Variants in MMAB observed in about 807,000 individuals in gnomAD.
MMAB encodes the protein corrinoid adenosyltransferase MMAB.
In MMAB, 17 loss-of-function variants were observed where a neutral mutation model predicts 30.6. The observed-to-expected ratio is 0.56, with a 90% confidence interval of 0.38 to 0.83. The LOEUF (loss-of-function observed/expected upper bound fraction) is 0.83. Among genes scored for constraint, MMAB ranks in the 40% least tolerant of loss-of-function variants. MMAB has a pLI of 0.00. For missense variants in MMAB, 311 were observed against 331.6 expected (o/e 0.94, Z 0.48); for synonymous variants, 134 against 138.6 (o/e 0.97, Z 0.23).
intron 4 of MMAB, among the ~76,000 whole-genome samples, chr12:109,562,677 A>C (rs1884256678): frequency 6.6e-6 from 1 of 152,256 alleles, no homozygotes; most frequent in Non-Finnish European, 1.5e-5. Context: ...AGTTGGGCCA[A>C]GAGGTCAAAT....
intron 8 of MMAB, 24 bp downstream of exon 8, chr12:109,559,072 A>G: frequency 6.2e-7 from 1 of 1,602,996 alleles, no homozygotes; most frequent in Middle Eastern, 1.7e-4. Context: ...TTCAGAGAGG[A>G]ACCCCCAGGT....
rs781441136 is a variant in MMAB, at chr12:109,555,219, G to A, written c.*1809C>T. 2.9e-5 allele frequency: 13 copies of A among 450,226 alleles called. No homozygotes were observed. Among genetic ancestry groups the A allele is most frequent in the Admixed American group, 1.4e-4 (6 of 42,144 alleles). The allele number at this position is 450,226 out of a possible 1,614,324, so 27.9% of individuals were successfully genotyped here. The stretch of plus-strand genomic sequence containing the variant: ...AGGTGTAGACAGAATTGAGTGATTC[G>A]CTGCAAGCTCTTTGAACATACTCCC... On this transcript the variant is annotated 3_prime_UTR_variant, in exon 9 of 9. Transcript: ENST00000545712.
Position 109,569,614 on chromosome 12 carries a change from C to T in MMAB, c.197-751G>A, listed in dbSNP as rs1331009733. Among the ~76,000 whole-genome samples the T allele has an allele frequency of 6.6e-6, 1 of 152,244 alleles. No individual in the cohort carries two copies. The highest frequency in any genetic ancestry group is 2.4e-5 in the African/African-American group (1 of 41,472). ...AGCTCACAGTCCCGCCTTTCTCCCCCAACCTCTGAGAAAGTGAAAACTGCC... is the reference window on the plus strand; with the variant it reads ...AGCTCACAGTCCCGCCTTTCTCCCCTAACCTCTGAGAAAGTGAAAACTGCC... On this transcript the variant is annotated intron_variant, in intron 2 of 8. Coordinates refer to ENST00000545712, the MANE Select transcript of MMAB (RefSeq NM_052845.4). This position sits in a 1 kb window ranked among gnomAD's most constrained non-coding sequence, Gnocchi z 4.1.
At position 109,556,247 on chromosome 12, in the gene MMAB, GACA is replaced by G. The variant is rs1883966207; in HGVS notation, c.*778_*780del. On this transcript the variant is annotated 3_prime_UTR_variant, in exon 9 of 9. Coordinates refer to ENST00000545712, the MANE Select transcript of MMAB (RefSeq NM_052845.4). ...GTGGATGTCAGCCTTGCTGGAAACT[GACA>G]ACCTCATTTTCTCAAGCTGAAGATG... 8.8e-6 allele frequency: 4 copies of G among 454,104 alleles called. No homozygotes were observed. The highest frequency in any genetic ancestry group is 1.8e-5 in the Non-Finnish European group (4 of 226,792). 28.1% of individuals were successfully genotyped at this position (454,104 alleles called of 1,614,324 possible).
chr12:109,570,905 G>A (rs373847706), intron 2 of MMAB, among the ~76,000 whole-genome samples: 13 of 142,954 alleles, frequency 9.1e-5, no homozygotes, highest in Non-Finnish European at 1.7e-4. Flanking sequence ...TCATAGCAAC[G>A]CATTCTTCTG....
At position 109,554,190 on chromosome 12, in the gene MMAB, C is replaced by A; in HGVS notation, c.*2838G>T. 4.4e-6 allele frequency: 2 copies of A among 453,312 alleles called. No individual in the cohort carries two copies. The highest frequency in any genetic ancestry group is 8.8e-6 in the Non-Finnish European group (2 of 226,130). The allele number at this position is 453,312 out of a possible 1,614,324, so 28.1% of individuals were successfully genotyped here. ...TCCCCAGGACAACTTGGTTCCCCAC[C>A]CAATGCCTCCTTCCAGGGCTGCTAT... On this transcript the variant is annotated 3_prime_UTR_variant, in exon 9 of 9. Transcript: ENST00000545712.
Position 109,555,796 on chromosome 12 carries a change from G to A in MMAB, c.*1232C>T. On this transcript the variant is annotated 3_prime_UTR_variant, in exon 9 of 9. Transcript: ENST00000545712. ...CCTGGCCCTCCTGCAAACTTTGCAG[G>A]CCAGGTGGTAAGAATGAAGGCAAAA... is the stretch of plus-strand genomic sequence containing the variant. 1 of 454,018 alleles carries A rather than the reference G, an allele frequency of 2.2e-6. No individual in the cohort carries two copies. 28.1% of individuals were successfully genotyped at this position (454,018 alleles called of 1,614,324 possible).
At chr12:109,565,010 G>A (rs1884363834) in intron 4 of MMAB, 109 bp downstream of exon 4, 1 of 866,462 alleles carries the variant, frequency 1.2e-6, no homozygotes, top group Admixed American at 1.7e-5. Context: ...CACAGAGGGA[G>A]AGTAACTAGC....
In MMAB at chr12:109,569,383, C is replaced by A. The variant is rs2136208892; in HGVS notation, c.197-520G>T. 6.6e-6 allele frequency among the ~76,000 whole-genome samples: 1 copy of A among 152,304 alleles called. No homozygotes were observed. Among genetic ancestry groups the A allele is most frequent in the African/African-American group, 2.4e-5 (1 of 41,572 alleles). On this transcript the variant is annotated intron_variant, in intron 2 of 8. Coordinates refer to ENST00000545712, the MANE Select transcript of MMAB (RefSeq NM_052845.4). The surrounding 1 kb of genome is among the most constrained non-coding windows in gnomAD (Gnocchi z 4.1). ...AGCTTCATAAACAGAACATGAGCAA[C>A]ACCCTGAAAGCCCCCATGTAACCCC... is the stretch of plus-strand genomic sequence containing the variant.
chr12:109,554,762 A>G lies in MMAB; in HGVS notation c.*2266T>C, dbSNP rs1331452187. On this transcript the variant is annotated 3_prime_UTR_variant, in exon 9 of 9. Coordinates refer to ENST00000545712, the MANE Select transcript of MMAB (RefSeq NM_052845.4). ...TCTTTTCTTTTGCCTCGGGCTCTTG[A>G]TAGAGCTTTTGAAAGGCACTGCAGA... 2.2e-6 allele frequency: 1 copy of G among 454,116 alleles called. No homozygotes were observed. The highest frequency in any genetic ancestry group is 4.4e-6 in the Non-Finnish European group (1 of 226,798). 28.1% of individuals were successfully genotyped at this position (454,116 alleles called of 1,614,324 possible). A position where few individuals can be genotyped will look rare whatever the true frequency, so the allele number is the denominator to read the frequency against.
chr12:109,568,884 C>A, intron 2 of MMAB, 21 bp from the exon 3 acceptor site: 1 of 1,556,960 alleles, frequency 6.4e-7, no homozygotes, highest in Non-Finnish European at 8.9e-7. Context: ...AAATGTTTAG[C>A]CACCCAAATT....
At chr12:109,557,265 G>C in intron 8 of MMAB, 129 bp from the exon 9 acceptor site, 1 of 736,164 alleles carries the variant, frequency 1.4e-6, no homozygotes, top group Non-Finnish European at 2.4e-6. Context: ...TGTGCAGGGA[G>C]GGCGGGGGCC....
At position 109,561,291 on chromosome 12, in the gene MMAB, C is replaced by G. The variant is rs761984838; in HGVS notation, c.519+129G>C. 4.5e-6 allele frequency: 7 copies of G among 1,566,710 alleles called. No individual in the cohort carries two copies. In the African/African-American group the frequency reaches 9.5e-5, roughly 21 times the overall value. On this transcript the variant is annotated intron_variant, in intron 6 of 8. Coordinates refer to ENST00000545712, the MANE Select transcript of MMAB (RefSeq NM_052845.4). The surrounding 1 kb of genome is among the most constrained non-coding windows in gnomAD (Gnocchi z 5.3). Reference sequence around the variant, plus strand: ...CAGGGCTGGGAGGGACCGGTGAGGACCTGGAGGGACTTGGGGAACTGGAGG... The same window carrying G: ...CAGGGCTGGGAGGGACCGGTGAGGAGCTGGAGGGACTTGGGGAACTGGAGG...
chr12:109,572,834 A>G (rs748001969), intron 1 of MMAB, among the ~76,000 whole-genome samples: 1 of 152,248 alleles, frequency 6.6e-6, no homozygotes, highest in Non-Finnish European at 1.5e-5. Flanking sequence ...ACAGCTCAAA[A>G]AGTGGCATTT....
chr12:109,558,973 G>T lies in MMAB; in HGVS notation c.644+123C>A. 1.3e-6 allele frequency: 1 copy of T among 745,022 alleles called. No homozygotes were observed. 46.2% of individuals were successfully genotyped at this position (745,022 alleles called of 1,614,324 possible). A position where few individuals can be genotyped will look rare whatever the true frequency, so the allele number is the denominator to read the frequency against. The stretch of plus-strand genomic sequence containing the variant: ...CAGAGCAGATGTTCATAAACACTAA[G>T]GGAATGAAGGAGGGGGTGCGGGAAT... On this transcript the variant is annotated intron_variant, in intron 8 of 8. Coordinates refer to ENST00000545712, the MANE Select transcript of MMAB (RefSeq NM_052845.4). The surrounding 1 kb of genome is among the most constrained non-coding windows in gnomAD (Gnocchi z 4.3).
At position 109,553,908 on chromosome 12, in the gene MMAB, G is replaced by T. The variant is rs145964376; in HGVS notation, c.*3120C>A. ...TGACGGGGGCTTCCGAACTGGGGAC[G>T]TTTGTCATTGGGATGTGTTACAAGT... On this transcript the variant is annotated 3_prime_UTR_variant, in exon 9 of 9. Transcript: ENST00000545712. 1 of 454,046 alleles carries T rather than the reference G, an allele frequency of 2.2e-6. No homozygotes were observed. The highest frequency in any genetic ancestry group is 4.4e-6 in the Non-Finnish European group (1 of 226,780). 28.1% of individuals were successfully genotyped at this position (454,046 alleles called of 1,614,324 possible). A position where few individuals can be genotyped will look rare whatever the true frequency, so the allele number is the denominator to read the frequency against.
rs775263273 is a variant in MMAB, at chr12:109,554,977, G to A, written c.*2051C>T. 134 of 454,076 alleles carry A rather than the reference G, an allele frequency of 3.0e-4. 2 individuals carry two copies. Among genetic ancestry groups the A allele is most frequent in the Non-Finnish European group, 4.4e-4 (100 of 226,782 alleles). 28.1% of individuals were successfully genotyped at this position (454,076 alleles called of 1,614,324 possible). A position where few individuals can be genotyped will look rare whatever the true frequency, so the allele number is the denominator to read the frequency against. ...TACAGAGGCGGGGGTCTGAGAACGC[G>A]ACTGTTAACATCCAGGCTGTGACAC... is the stretch of plus-strand genomic sequence containing the variant. On this transcript the variant is annotated 3_prime_UTR_variant, in exon 9 of 9. Coordinates refer to ENST00000545712, the MANE Select transcript of MMAB (RefSeq NM_052845.4).
intron 1 of MMAB, chr12:109,573,129 TGCCCTGCCC>T: frequency 4.7e-6 from 3 of 638,156 alleles, no homozygotes; most frequent in Non-Finnish European, 8.4e-6. Flanking sequence ...GGATATGCCC[TGCCCTGCCC>T]GATGATAGCG....
chr12:109,562,748 G>A (rs529912620), intron 4 of MMAB, among the ~76,000 whole-genome samples: 30 of 152,360 alleles, frequency 2.0e-4, no homozygotes, highest in African/African-American at 5.3e-4. Context: ...CAGCCGAGGC[G>A]TGTGGGGATT....
Sources: allele counts gnomAD v4.1 joint callset (sites outside exome capture counted in the v4.1 genomes callset), GRCh38; gene constraint gnomAD v4.1.1; non-coding constraint Gnocchi (gnomAD v3.1); transcripts MANE v1.5; gene names NCBI Gene and HGNC (gene_info 2026-07-23, HGNC 2026-07-21).